The following GABRP variants were observed in gnomAD, a reference collection of about 807,000 sequenced individuals.
GABRP encodes gamma-aminobutyric acid receptor subunit pi.
Under a neutral mutation model 47.8 loss-of-function variants are expected in GABRP, and 52 were observed. The ratio of observed to expected loss-of-function variants is 1.09; its 90% CI spans 0.87 to 1.37. The LOEUF is 1.37. Among genes scored for constraint, GABRP ranks in the 40% most tolerant of loss-of-function variants. GABRP has a pLI of 0.00. For synonymous variants in GABRP, 221 were observed against 205.8 expected (o/e 1.07, Z -0.63); for missense variants, 525 against 542.8 (o/e 0.97, Z 0.33).
At chr5:170,784,729 T>C (rs1422909357) in intron 1 of GABRP, among the ~76,000 whole-genome samples, 1 of 152,232 alleles carries the variant, frequency 6.6e-6, no homozygotes, top group Non-Finnish European at 1.5e-5. Context: ...TAATGTTTAT[T>C]GAATGCTTTC....
At chr5:170,797,675 C>T (rs1011476630) in intron 6 of GABRP, 127 bp downstream of exon 6, 2 of 652,426 alleles carry the variant, frequency 3.1e-6, no homozygotes, top group South Asian at 1.8e-5. Context: ...GGATTCAGCC[C>T]TTCTGACTGT....
chr5:170,795,591 TAC>T (rs1765405723), intron 5 of GABRP, among the ~76,000 whole-genome samples, 166 bp downstream of exon 5: 3 of 152,160 alleles, frequency 2.0e-5, no homozygotes, highest in Non-Finnish European at 2.9e-5. Context: ...GTTCATCATC[TAC>T]CAAATGCCTG....
At chr5:170,804,492 T>C (rs948338590) in intron 6 of GABRP, among the ~76,000 whole-genome samples, 3 of 152,208 alleles carry the variant, frequency 2.0e-5, no homozygotes, top group African/African-American at 7.2e-5. Flanking sequence ...CTAGCTAATG[T>C]TCCAGCTTCT....
Position 170,788,674 on chromosome 5 carries a change from C to A in GABRP, c.53+6C>A. On this transcript the variant is annotated splice_donor_region_variant and intron_variant, in intron 2 of 9. Coordinates refer to ENST00000265294, the MANE Select transcript of GABRP (RefSeq NM_014211.3). ...CTGAGTCTCTTCACTGAGAGGTGAG[C>A]TTTGCTACCCCCAGAATGGCCTCCA... is the stretch of plus-strand genomic sequence containing the variant. 6.2e-7 allele frequency: 1 copy of A among 1,613,798 alleles called. No homozygotes were observed. The highest frequency in any genetic ancestry group is 8.5e-7 in the Non-Finnish European group (1 of 1,179,758).
At chr5:170,785,971 T>G (rs138773581) in intron 1 of GABRP, among the ~76,000 whole-genome samples, 65 of 152,338 alleles carry the variant, frequency 4.3e-4, no homozygotes, top group Non-Finnish European at 6.5e-4. Flanking sequence ...TTCTGTGACT[T>G]CCCTTTTGAC....
Position 170,807,036 on chromosome 5 carries a change from C to T in GABRP, c.679+1183C>T, listed in dbSNP as rs142511853. On this transcript the variant is annotated intron_variant, in intron 7 of 9. Transcript: ENST00000265294. ...CAATCTCAGCTCACGGCAAAATTCA[C>T]CTCCTGGGCTTGGGTGATCCTCCCA... Among the ~76,000 whole-genome samples the T allele has an allele frequency of 8.5e-4, 129 of 152,268 alleles. 2 individuals are homozygous for T. The highest frequency in any genetic ancestry group is 3.1e-3 in the African/African-American group (127 of 41,554).
At chr5:170,806,007 C>A (rs1042266548) in intron 7 of GABRP, among the ~76,000 whole-genome samples, 154 bp downstream of exon 7, 1 of 152,176 alleles carries the variant, frequency 6.6e-6, no homozygotes, top group Non-Finnish European at 1.5e-5. Flanking sequence ...ACCTCCTCCA[C>A]ACCCAGTATT....
chr5:170,788,418 A>G, intron 1 of GABRP, 156 bp from the exon 2 acceptor site: 1 of 521,582 alleles, frequency 1.9e-6, no homozygotes, highest in South Asian at 3.4e-5. Context: ...GAGGGAACAC[A>G]GGGAGAAGGA....
intron 6 of GABRP, among the ~76,000 whole-genome samples, chr5:170,798,877 G>A (rs1003498272): frequency 5.9e-5 from 9 of 151,630 alleles, no homozygotes; most frequent in African/African-American, 1.7e-4. Flanking sequence ...TACATGTGCC[G>A]TGTTGGTGTG....
At position 170,788,578 on chromosome 5, in the gene GABRP, T is replaced by A; in HGVS notation, c.-38T>A. The A allele has an allele frequency of 1.2e-6, 2 of 1,612,058 alleles. No individual in the cohort carries two copies. ...ACCTTGCCCCCTGTTTCCCAGGTGA[T>A]TCCTACTTCAGCCCCTTGGTGTGAG... On this transcript the variant is annotated 5_prime_UTR_variant, in exon 2 of 10. Transcript: ENST00000265294.
chr5:170,809,804 C>T (rs771337731), intron 9 of GABRP, 49 bp downstream of exon 9: 1 of 1,532,942 alleles, frequency 6.5e-7, no homozygotes, highest in Non-Finnish European at 8.8e-7. Flanking sequence ...GTGCCGTGTG[C>T]TGATCTGTAG....
In GABRP at chr5:170,794,240, T is replaced by C; in HGVS notation, c.182T>C (p.Val61Ala). 6.2e-7 allele frequency: 1 copy of C among 1,610,788 alleles called. No homozygotes were observed. The highest frequency in any genetic ancestry group is 8.5e-7 in the Non-Finnish European group (1 of 1,177,414). The change falls in exon 4 of 10, where the codon GTA becomes GCA. Residue 61 changes from valine to alanine, a missense_variant. Transcript: ENST00000265294. The stretch of plus-strand genomic sequence containing the variant: ...TTTTTTTTTATCTTAGGAGAACCCG[T>C]ACAGATAGCGCTGACTCTGGACATT... ...FLRPNFGGEP[V>A]QIALTLDIAS... is the part of the protein sequence containing the mutation.
intron 6 of GABRP, among the ~76,000 whole-genome samples, chr5:170,801,338 T>C (rs189080559): frequency 6.6e-6 from 1 of 152,294 alleles, no homozygotes; most frequent in East Asian, 1.9e-4. Context: ...ATGGAGATAA[T>C]GAAAATCTTT....
chr5:170,797,397 C>T (rs1561810706), intron 5 of GABRP, 69 bp from the exon 6 acceptor site: 3 of 963,496 alleles, frequency 3.1e-6, no homozygotes, highest in Non-Finnish European at 3.4e-6. Flanking sequence ...TTGAGTGGGC[C>T]TTCGAAGGAA....
chr5:170,784,433 G>C (rs546610969), intron 1 of GABRP, among the ~76,000 whole-genome samples: 20 of 152,308 alleles, frequency 1.3e-4, no homozygotes, highest in African/African-American at 4.8e-4. Context: ...GAGGCCAAGA[G>C]CACGGAGTAT....
intron 6 of GABRP, among the ~76,000 whole-genome samples, chr5:170,798,774 C>A (rs1765506343): frequency 6.7e-6 from 1 of 148,312 alleles, no homozygotes; most frequent in South Asian, 2.1e-4. Context: ...TATTTTATTT[C>A]TTTTTTCATT....
intron 9 of GABRP, 132 bp downstream of exon 9, chr5:170,809,887 T>A: frequency 2.3e-6 from 2 of 862,432 alleles, no homozygotes; most frequent in South Asian, 3.0e-5. Context: ...GTCTTATCCT[T>A]GTTCAGGTGG....
At chr5:170,803,566 G>A (rs1298899657) in intron 6 of GABRP, among the ~76,000 whole-genome samples, 1 of 152,084 alleles carries the variant, frequency 6.6e-6, no homozygotes, top group Non-Finnish European at 1.5e-5. Flanking sequence ...TCCGAGTAGT[G>A]CAACCATCAC....
rs772816775 is a variant in GABRP at position 170,805,815 on chromosome 5, G to A, written c.641G>A (p.Arg214Gln). Reference sequence around the variant, plus strand: ...CGGCTTGCTCAGTACACCATAGAGCGGTATTTCACCTTAGTCACCAGATCG... The same window carrying A: ...CGGCTTGCTCAGTACACCATAGAGCAGTATTTCACCTTAGTCACCAGATCG... ...HLRLAQYTIERYFTLVTRSQQ... is the reference protein window; with the variant it reads ...HLRLAQYTIEQYFTLVTRSQQ... The change falls in exon 7 of 10, where the codon CGG becomes CAG. Residue 214 changes from arginine (R) to glutamine (Q), a missense_variant. Physicochemically the swap from Arg to Gln is conservative, Grantham distance 43. Transcript: ENST00000265294. The A allele has an allele frequency of 3.5e-5, 56 of 1,613,958 alleles. 1 individual carries two copies. The highest frequency in any genetic ancestry group is 4.3e-5 in the Non-Finnish European group (51 of 1,179,978).
Sources: allele counts gnomAD v4.1 joint callset (sites outside exome capture counted in the v4.1 genomes callset), GRCh38; gene constraint gnomAD v4.1.1; transcripts MANE v1.5; gene names NCBI Gene and HGNC (gene_info 2026-07-23, HGNC 2026-07-21).